Variants in GUCY1A2 observed in about 807,000 individuals in gnomAD.
The protein encoded by GUCY1A2 is guanylate cyclase 1 soluble subunit alpha 2.
GUCY1A2 carries 27 observed loss-of-function variants against 63.5 expected under a neutral mutation model. The ratio of observed to expected loss-of-function variants is 0.43; its 90% CI spans 0.31 to 0.59. The LOEUF is 0.59. GUCY1A2 is among the 20% of genes least tolerant of loss of function. The pLI, the probability that GUCY1A2 is intolerant of heterozygous loss-of-function variation, is 0.11. For synonymous variants in GUCY1A2, 364 were observed against 343.5 expected, an observed-to-expected ratio of 1.06 and a Z score of -0.66; for missense variants, 768 against 913.3, an observed-to-expected ratio of 0.84 and a Z score of 2.05.
At chr11:106,767,024 A>G (rs961314142) in intron 6 of GUCY1A2, among the ~76,000 whole-genome samples, 5 of 152,128 alleles carry the variant, frequency 3.3e-5, no homozygotes, top group African/African-American at 1.2e-4. Flanking sequence ...ACACTTCTAA[A>G]GCACACCACA....
chr11:106,798,172 G>T (rs1485064220), intron 5 of GUCY1A2, among the ~76,000 whole-genome samples: 4 of 152,084 alleles, frequency 2.6e-5, no homozygotes, highest in Non-Finnish European at 4.4e-5. Flanking sequence ...AGAAGAAATG[G>T]ATAAATTCCT....
At chr11:106,782,281 C>T (rs912812032) in intron 5 of GUCY1A2, among the ~76,000 whole-genome samples, 1 of 152,070 alleles carries the variant, frequency 6.6e-6, no homozygotes, top group Non-Finnish European at 1.5e-5. Context: ...GCTTTCCAGC[C>T]GTTTTGTGTT....
At chr11:106,788,967 T>C (rs566307555) in intron 5 of GUCY1A2, among the ~76,000 whole-genome samples, 3 of 152,382 alleles carry the variant, frequency 2.0e-5, no homozygotes, top group South Asian at 2.1e-4. Context: ...AGGAATTGCA[T>C]TGAATCTGTA....
At chr11:106,760,615 AAAAT>A (rs1307942524) in intron 6 of GUCY1A2, among the ~76,000 whole-genome samples, 2 of 152,198 alleles carry the variant, frequency 1.3e-5, no homozygotes, top group Non-Finnish European at 2.9e-5. Context: ...AAATGATGAA[AAAAT>A]AAATATTCCT....
chr11:106,765,716 A>T (rs1864150896), intron 6 of GUCY1A2, among the ~76,000 whole-genome samples: 1 of 152,074 alleles, frequency 6.6e-6, no homozygotes, highest in Admixed American at 6.6e-5. Context: ...TGGTCATTTG[A>T]CCATCAAAAT....
At chr11:106,888,620 C>T (rs1214239461) in intron 4 of GUCY1A2, among the ~76,000 whole-genome samples, 1 of 152,128 alleles carries the variant, frequency 6.6e-6, no homozygotes. Context: ...CCTTTATAGC[C>T]AACAGGCGTT....
At chr11:107,013,785 T>A (rs935782844) in intron 1 of GUCY1A2, among the ~76,000 whole-genome samples, 6 of 152,186 alleles carry the variant, frequency 3.9e-5, no homozygotes, top group Non-Finnish European at 7.3e-5. Context: ...CCAAAGTGAA[T>A]GACAAATAAA....
intron 3 of GUCY1A2, among the ~76,000 whole-genome samples, chr11:106,959,246 G>A (rs568814421): frequency 5.3e-5 from 8 of 152,240 alleles, no homozygotes; most frequent in Non-Finnish European, 8.8e-5. Flanking sequence ...TGAGTGAGGA[G>A]GGGAAAATAT....
intron 4 of GUCY1A2, among the ~76,000 whole-genome samples, chr11:106,847,357 A>G (rs1172874953): frequency 6.6e-6 from 1 of 151,300 alleles, no homozygotes; most frequent in Non-Finnish European, 1.5e-5. Flanking sequence ...GATAAAATGA[A>G]GATGATAATA....
rs113999897 is a variant in GUCY1A2 at position 106,864,291 on chromosome 11, G to C, written c.1207-53813C>G. ...AGGACTTTTTTTAAAAACTCGTATG[G>C]CAATTATTATATAATTTATATATAA... On this transcript the variant is annotated intron_variant, in intron 4 of 7. Transcript: ENST00000526355. Among the ~76,000 whole-genome samples, 1,242 of 151,844 alleles carry C rather than the reference G, an allele frequency of 8.2e-3. 14 individuals are homozygous for C. The highest frequency in any genetic ancestry group is 0.029 in the African/African-American group (1,186 of 41,424).
intron 3 of GUCY1A2, among the ~76,000 whole-genome samples, chr11:106,955,984 T>G (rs1248550780): frequency 1.3e-5 from 2 of 151,996 alleles, no homozygotes; most frequent in African/African-American, 2.4e-5. Context: ...TCTTGAAGAC[T>G]TTGATCATTC....
chr11:106,919,510 C>T (rs544922713), intron 4 of GUCY1A2, among the ~76,000 whole-genome samples: 12 of 151,976 alleles, frequency 7.9e-5, no homozygotes, highest in African/African-American at 2.9e-4. Context: ...TAATTTTATT[C>T]ATCAATTATA....
intron 4 of GUCY1A2, among the ~76,000 whole-genome samples, chr11:106,847,818 C>T (rs1859296711): frequency 6.6e-6 from 1 of 151,484 alleles, no homozygotes; most frequent in African/African-American, 2.4e-5. Flanking sequence ...TAATAAATAG[C>T]AAGTTTTGAA....
rs949798808 is a variant in GUCY1A2 at position 106,725,540 on chromosome 11, A to G, written c.1837-16874T>C. Among the ~76,000 whole-genome samples the G allele has an allele frequency of 3.9e-5, 6 of 152,268 alleles. No homozygotes were observed. The East Asian group carries it at 5.8e-4, about 15-fold the overall frequency. ...TCTAAAATTATCAGAATTATACCAA[A>G]TAGTTCAATTTAAAAATATATTTTT... On this transcript the variant is annotated intron_variant, in intron 6 of 7. Coordinates refer to ENST00000526355, the MANE Select transcript of GUCY1A2 (RefSeq NM_000855.3).
intron 4 of GUCY1A2, among the ~76,000 whole-genome samples, chr11:106,851,490 AT>A (rs1859354459): frequency 2.6e-5 from 4 of 151,850 alleles, no homozygotes; most frequent in African/African-American, 9.7e-5. Flanking sequence ...TTCATTTTAC[AT>A]TTAAGCATTT....
At chr11:106,849,811 A>G (rs893102954) in intron 4 of GUCY1A2, among the ~76,000 whole-genome samples, 3 of 151,748 alleles carry the variant, frequency 2.0e-5, no homozygotes, top group Non-Finnish European at 4.4e-5. Context: ...AATTTAGGGA[A>G]AACAGTCACA....
intron 3 of GUCY1A2, among the ~76,000 whole-genome samples, chr11:106,970,904 A>T (rs1056514906): frequency 1.2e-4 from 19 of 152,108 alleles, no homozygotes; most frequent in African/African-American, 4.6e-4. Context: ...GAAAGGAATG[A>T]GCTCTCTGCC....
At chr11:106,893,876 C>T (rs534969166) in intron 4 of GUCY1A2, among the ~76,000 whole-genome samples, 19 of 152,158 alleles carry the variant, frequency 1.2e-4, no homozygotes, top group Admixed American at 4.6e-4. Flanking sequence ...CCAGTCATCC[C>T]GGAGACTGCA....
rs531588936 is a variant in GUCY1A2, at chr11:106,716,498, T to G, written c.1837-7832A>C. On this transcript the variant is annotated intron_variant, in intron 6 of 7. Transcript: ENST00000526355. Reference sequence around the variant, plus strand: ...CAGCCAATAGCATTGTGATTTTCTTTAGGCAATTCGCTTTCTCCCGTTCTC... The same window carrying G: ...CAGCCAATAGCATTGTGATTTTCTTGAGGCAATTCGCTTTCTCCCGTTCTC... Among the ~76,000 whole-genome samples the G allele has an allele frequency of 2.0e-5, 3 of 152,250 alleles. No individual in the cohort carries two copies. In the East Asian group the frequency reaches 5.8e-4, roughly 29 times the overall value.
Sources: gnomAD v4.1 joint callset for allele counts (sites outside exome capture counted in the v4.1 genomes callset) on GRCh38, gnomAD v4.1.1 for gene constraint, MANE v1.5 for transcripts, NCBI Gene and HGNC (gene_info 2026-07-23, HGNC 2026-07-21) for gene names.